CCT6B: variants seen among roughly 807,000 people sequenced by gnomAD.
CCT6B encodes the protein chaperonin containing TCP1 subunit 6B, also known as probable T-complex protein 1 subunit zeta-2.
In CCT6B, 49 loss-of-function variants were observed where a neutral mutation model predicts 61.5. That is an observed-to-expected ratio of 0.80 (90% CI 0.63 to 1.01). CCT6B has a LOEUF of 1.01. Ranked by LOEUF, CCT6B falls within the 50% of genes least tolerant of loss-of-function variation. CCT6B has a pLI of 0.00. For synonymous variants in CCT6B, 228 were observed against 214.5 expected, an observed-to-expected ratio of 1.06 and a Z score of -0.55; for missense variants, 666 against 634.7, an observed-to-expected ratio of 1.05 and a Z score of -0.53.
rs1229807295 is a variant in CCT6B at position 34,928,893 on chromosome 17, A to G, written c.1523+69T>C. On this transcript the variant is annotated intron_variant, in intron 13 of 13. Transcript: ENST00000314144. ...ACTGTACAGGGACAAAAATAATAGAAAAAATTTCATCTTAATATTATCAAT... is the reference window on the plus strand; with the variant it reads ...ACTGTACAGGGACAAAAATAATAGAGAAAATTTCATCTTAATATTATCAAT... 4 of 924,624 alleles carry G rather than the reference A, an allele frequency of 4.3e-6. No individual in the cohort carries two copies. The African/African-American group carries it at 6.8e-5, about 16-fold the overall frequency. 57.3% of individuals were successfully genotyped at this position (924,624 alleles called of 1,614,324 possible). A position where few individuals can be genotyped will look rare whatever the true frequency, so the allele number is the denominator to read the frequency against.
chr17:34,934,437 C>T (rs1247173961), intron 10 of CCT6B, among the ~76,000 whole-genome samples: 1 of 152,126 alleles, frequency 6.6e-6, no homozygotes, highest in Non-Finnish European at 1.5e-5. Flanking sequence ...CACTGTAACA[C>T]AAAAATAGCC....
chr17:34,958,186 G>A (rs1230051207), intron 3 of CCT6B, among the ~76,000 whole-genome samples: 2 of 152,192 alleles, frequency 1.3e-5, no homozygotes, highest in African/African-American at 4.8e-5. Context: ...GCTCATGCCT[G>A]TAATCCCAGC....
At position 34,961,174 on chromosome 17, in the gene CCT6B, G is replaced by A. The variant is rs1363273960; in HGVS notation, c.137+83C>T. On this transcript the variant is annotated intron_variant, in intron 1 of 13. Coordinates refer to ENST00000314144, the MANE Select transcript of CCT6B (RefSeq NM_006584.4). ...TCAAGCTCGCAAGAACATCCACAGC[G>A]CTACGCGGACGCCTGCCTCAGAGGG... is the stretch of plus-strand genomic sequence containing the variant. 4 of 1,479,454 alleles carry A rather than the reference G, an allele frequency of 2.7e-6. No individual in the cohort carries two copies. In the Admixed American group the frequency reaches 6.2e-5, roughly 23 times the overall value. The allele number at this position is 1,479,454 out of a possible 1,614,324, so 91.6% of individuals were successfully genotyped here. A position where few individuals can be genotyped will look rare whatever the true frequency, so the allele number is the denominator to read the frequency against.
rs368193413 is a variant in CCT6B, at chr17:34,939,726, A to G, written c.969-13T>C. The G allele has an allele frequency of 2.0e-4, 293 of 1,483,728 alleles. 1 individual carries two copies. Among genetic ancestry groups the G allele is most frequent in the Middle Eastern group, 1.7e-4 (1 of 5,830 alleles). 91.9% of individuals were successfully genotyped at this position (1,483,728 alleles called of 1,614,324 possible). ...AGCAAGAGAGAGTCTGAAATTACATATATGTCACCATAGCTTGATTATGGA... is the reference window on the plus strand; with the variant it reads ...AGCAAGAGAGAGTCTGAAATTACATGTATGTCACCATAGCTTGATTATGGA... On this transcript the variant is annotated splice_polypyrimidine_tract_variant and intron_variant, in intron 8 of 13. Coordinates refer to ENST00000314144, the MANE Select transcript of CCT6B (RefSeq NM_006584.4).
intron 2 of CCT6B, 118 bp from the exon 3 acceptor site, chr17:34,958,812 A>G: frequency 1.5e-6 from 1 of 663,148 alleles, no homozygotes; most frequent in Non-Finnish European, 2.2e-6. Flanking sequence ...GCTTCATTCT[A>G]CAAGTTTACA....
rs1227207854 is a variant in CCT6B at position 34,929,174 on chromosome 17, T to C, written c.1451-140A>G. The C allele has an allele frequency of 1.1e-5, 7 of 612,660 alleles. No individual in the cohort carries two copies. In the Admixed American group the frequency reaches 2.0e-4, roughly 17 times the overall value. The allele number at this position is 612,660 out of a possible 1,614,324, so 38.0% of individuals were successfully genotyped here. A position where few individuals can be genotyped will look rare whatever the true frequency, so the allele number is the denominator to read the frequency against. ...ATGACCTCCATATTGTTAAATCCAA[T>C]GGTTGATTCTCAGACCTCATCTACC... On this transcript the variant is annotated intron_variant, in intron 12 of 13. Transcript: ENST00000314144.
chr17:34,954,652 A>G, intron 3 of CCT6B, 53 bp from the exon 4 acceptor site: 3 of 1,416,744 alleles, frequency 2.1e-6, no homozygotes, highest in Non-Finnish European at 1.9e-6. Context: ...CCAATGTAAA[A>G]GTAACCAACC....
chr17:34,957,658 T>G (rs1391937044), intron 3 of CCT6B, among the ~76,000 whole-genome samples: 1 of 152,162 alleles, frequency 6.6e-6, no homozygotes, highest in African/African-American at 2.4e-5. Flanking sequence ...GCATCCTAAG[T>G]TGCAAGTACT....
intron 7 of CCT6B, among the ~76,000 whole-genome samples, chr17:34,941,803 C>A (rs2090166669): frequency 6.6e-6 from 1 of 152,202 alleles, no homozygotes; most frequent in Non-Finnish European, 1.5e-5. Context: ...ATAATCCCAA[C>A]ACTTTGGGAG....
chr17:34,946,808 C>T (rs1170188908), intron 5 of CCT6B, among the ~76,000 whole-genome samples: 1 of 152,126 alleles, frequency 6.6e-6, no homozygotes, highest in Non-Finnish European at 1.5e-5. Context: ...ACAAAGAGTA[C>T]CTACCTTATG....
intron 1 of CCT6B, 31 bp downstream of exon 1, chr17:34,961,226 C>A: frequency 6.3e-7 from 1 of 1,578,484 alleles, no homozygotes; most frequent in Non-Finnish European, 8.6e-7. Context: ...GGCCCCTAGC[C>A]GCGTAATGGC....
intron 5 of CCT6B, among the ~76,000 whole-genome samples, chr17:34,951,743 AT>A (rs1442167566): frequency 2.0e-5 from 3 of 151,918 alleles, no homozygotes; most frequent in East Asian, 3.9e-4. Flanking sequence ...CACACACATG[AT>A]TTTTTTTCTA....
chr17:34,961,228 C>A, intron 1 of CCT6B, 29 bp downstream of exon 1: 1 of 1,581,352 alleles, frequency 6.3e-7, no homozygotes, highest in Non-Finnish European at 8.6e-7. Context: ...CCCCTAGCCG[C>A]GTAATGGCCG....
intron 10 of CCT6B, among the ~76,000 whole-genome samples, chr17:34,933,847 G>C (rs1405339677): frequency 1.3e-5 from 2 of 152,034 alleles, no homozygotes; most frequent in Non-Finnish European, 2.9e-5. Context: ...ACTAGAAAAG[G>C]ACAGGGTCTG....
chr17:34,929,096 A>G (rs1164049259), intron 12 of CCT6B, 62 bp from the exon 13 acceptor site: 3 of 994,622 alleles, frequency 3.0e-6, no homozygotes, highest in African/African-American at 3.3e-5. Context: ...ATTAATTGAT[A>G]TCTTCTAAAA....
rs75091372 is a variant in CCT6B at position 34,935,973 on chromosome 17, G to C, written c.1213+3210C>G. On this transcript the variant is annotated intron_variant, in intron 10 of 13. Transcript: ENST00000314144. ...TTTTGACAAAAAACAACAACAACAA[G>C]AAGTTTTACTCTTGTCGCCCAGGCT... 1.8e-4 allele frequency among the ~76,000 whole-genome samples: 27 copies of C among 151,806 alleles called. No individual in the cohort carries two copies. In the East Asian group the frequency reaches 5.0e-3, roughly 28 times the overall value.
intron 12 of CCT6B, among the ~76,000 whole-genome samples, chr17:34,930,472 A>G (rs1418438510): frequency 1.3e-5 from 2 of 151,962 alleles, no homozygotes; most frequent in African/African-American, 4.8e-5. Context: ...ACTTAACCCC[A>G]GTTGCCTACA....
rs772532162 is a variant in CCT6B at position 34,959,589 on chromosome 17, T to C, written c.199A>G (p.Met67Val). ...TAAAGTCAGCAGCATCAGCTCACCA[T>C]CTCATCGAGCAGCACATTGCCATCT... ...TKDGNVLLDE[M>V]QIQHPTASLI... Residue 67 changes from methionine to valine, a missense_variant and splice_region_variant, in exon 2 of 14, where the codon ATG (methionine) becomes GTG (valine). Coordinates refer to ENST00000314144, the MANE Select transcript of CCT6B (RefSeq NM_006584.4). The C allele has an allele frequency of 1.5e-5, 24 of 1,609,440 alleles. No individual in the cohort carries two copies. The highest frequency in any genetic ancestry group is 1.9e-5 in the Non-Finnish European group (22 of 1,175,890).
chr17:34,928,140 G>C, intron 13 of CCT6B, 23 bp from the exon 14 acceptor site: 1 of 1,541,772 alleles, frequency 6.5e-7, no homozygotes, highest in Non-Finnish European at 8.9e-7. Flanking sequence ...ATGAGAGGGT[G>C]AGTAAAGCCT....
Sources: gnomAD v4.1 joint callset for allele counts (sites outside exome capture counted in the v4.1 genomes callset) on GRCh38, gnomAD v4.1.1 for gene constraint, MANE v1.5 for transcripts, NCBI Gene and HGNC (gene_info 2026-07-23, HGNC 2026-07-21) for gene names.